The following CSNK1D variants were observed in gnomAD, a reference collection of about 807,000 sequenced individuals.
The protein encoded by CSNK1D is casein kinase 1 delta, also known as casein kinase I isoform delta.
Under a neutral mutation model 46.6 loss-of-function variants are expected in CSNK1D, and 16 were observed. The ratio of observed to expected loss-of-function variants is 0.34; its 90% CI spans 0.23 to 0.52. The LOEUF is 0.52. Ranked by LOEUF, CSNK1D falls within the 20% of genes least tolerant of loss-of-function variation. The pLI is 0.95. For synonymous variants in CSNK1D, 276 were observed against 228.2 expected (o/e 1.21, Z -1.89); for missense variants, 398 against 578.4 (o/e 0.69, Z 3.20).
intron 2 of CSNK1D, among the ~76,000 whole-genome samples, chr17:82,260,720 TACTG>T (rs901388795): frequency 8.6e-5 from 12 of 140,272 alleles, no homozygotes; most frequent in South Asian, 2.1e-4. Flanking sequence ...ACTGATGGTG[TACTG>T]ACTGACGGTG....
chr17:82,249,254 G>C lies in CSNK1D; in HGVS notation c.1057+177C>G. 3.8e-6 allele frequency: 3 copies of C among 787,546 alleles called. No homozygotes were observed. Among genetic ancestry groups the C allele is most frequent in the Non-Finnish European group, 6.0e-6 (3 of 504,190 alleles). The allele number at this position is 787,546 out of a possible 1,614,324, so 48.8% of individuals were successfully genotyped here. A position where few individuals can be genotyped will look rare whatever the true frequency, so the allele number is the denominator to read the frequency against. ...GCGGGAGGAATCACGCACACCAGCA[G>C]GTGCCGGCATTTCTAAAGGCGCCTG... is the stretch of plus-strand genomic sequence containing the variant. On this transcript the variant is annotated intron_variant, in intron 7 of 8. Coordinates refer to ENST00000314028, the MANE Select transcript of CSNK1D (RefSeq NM_001893.6). This position sits in a 1 kb window ranked among gnomAD's most constrained non-coding sequence, Gnocchi z 6.7.
At chr17:82,256,298 C>G (rs1014420840) in intron 2 of CSNK1D, among the ~76,000 whole-genome samples, 6 of 152,154 alleles carry the variant, frequency 3.9e-5, no homozygotes, top group Non-Finnish European at 7.3e-5. Context: ...ACTGCTTGAG[C>G]TCAGAAGTTC....
Position 82,251,599 on chromosome 17 carries a change from T to C in CSNK1D, c.737-72A>G. 6.7e-7 allele frequency: 1 copy of C among 1,490,832 alleles called. No individual in the cohort carries two copies. The highest frequency in any genetic ancestry group is 2.3e-5 in the East Asian group (1 of 43,952). 92.4% of individuals were successfully genotyped at this position (1,490,832 alleles called of 1,614,324 possible). ...CTCAAGGTGTCTCTGCCAACGTCGC[T>C]GTCTACCTCCTGCTGCTGCACACTC... On this transcript the variant is annotated intron_variant, in intron 5 of 8. Transcript: ENST00000314028. This position sits in a 1 kb window ranked among gnomAD's most constrained non-coding sequence, Gnocchi z 4.5.
chr17:82,257,614 A>C (rs1047838273), intron 2 of CSNK1D, among the ~76,000 whole-genome samples: 7 of 152,214 alleles, frequency 4.6e-5, no homozygotes, highest in African/African-American at 7.2e-5. Flanking sequence ...CCAGCCAGTG[A>C]CAGCTGTGCC....
At chr17:82,264,607 C>T (rs959230851) in intron 2 of CSNK1D, among the ~76,000 whole-genome samples, 1 of 152,036 alleles carries the variant, frequency 6.6e-6, no homozygotes, top group East Asian at 1.9e-4. Context: ...TCGGAGAAAA[C>T]GAGCCCAGAG....
At chr17:82,253,783 G>A (rs547047205) in intron 3 of CSNK1D, 12 of 301,706 alleles carry the variant, frequency 4.0e-5, no homozygotes, top group African/African-American at 1.7e-4. Context: ...CCGGAGCCTC[G>A]AGAAGCCAGT....
Position 82,244,557 on chromosome 17 carries a change from A to G in CSNK1D, c.*224T>C. ...TGCTTTTCTTCCCAGCCCCGTTACAACCGAGTTCACGTGGGGGGCCGCAGT... is the reference window on the plus strand; with the variant it reads ...TGCTTTTCTTCCCAGCCCCGTTACAGCCGAGTTCACGTGGGGGGCCGCAGT... On this transcript the variant is annotated 3_prime_UTR_variant, in exon 9 of 9. Transcript: ENST00000314028. The G allele has an allele frequency of 6.1e-6, 9 of 1,479,364 alleles. No homozygotes were observed. The highest frequency in any genetic ancestry group is 7.2e-6 in the Non-Finnish European group (8 of 1,115,708). 91.6% of individuals were successfully genotyped at this position (1,479,364 alleles called of 1,614,324 possible). A position where few individuals can be genotyped will look rare whatever the true frequency, so the allele number is the denominator to read the frequency against.
intron 8 of CSNK1D, chr17:82,247,463 G>A (rs2050879630): frequency 1.0e-6 from 1 of 985,524 alleles, no homozygotes; most frequent in Non-Finnish European, 1.2e-6. Context: ...AAAGCACTCA[G>A]GCCCCTTCCC....
intron 8 of CSNK1D, chr17:82,246,251 C>G (rs1599575548): frequency 5.4e-6 from 8 of 1,468,854 alleles, no homozygotes; most frequent in East Asian, 2.6e-5. Flanking sequence ...TCTGGAATCA[C>G]TTGCTCTTAA....
Position 82,251,827 on chromosome 17 carries a change from G to GAAAAA in CSNK1D, c.737-305_737-301dup, listed in dbSNP as rs112553966. On this transcript the variant is annotated intron_variant, in intron 5 of 8. Transcript: ENST00000314028. The surrounding 1 kb of genome is among the most constrained non-coding windows in gnomAD (Gnocchi z 4.5). Reference sequence around the variant, plus strand: ...AACACAGTGAAACCCCATCTCTACTGAAAAAAAAAAAAAAAAAGTTCTAGA... The same window carrying GAAAAA: ...AACACAGTGAAACCCCATCTCTACTGAAAAAAAAAAAAAAAAAAAAAAGTTCTAGA... 2.2e-5 allele frequency: 6 copies of GAAAAA among 267,556 alleles called. No homozygotes were observed. The highest frequency in any genetic ancestry group is 9.7e-5 in the East Asian group (1 of 10,316). 16.6% of individuals were successfully genotyped at this position (267,556 alleles called of 1,614,324 possible).
At position 82,273,253 on chromosome 17, in the gene CSNK1D, G is replaced by A; in HGVS notation, c.76+53C>T. On this transcript the variant is annotated intron_variant, in intron 1 of 8. Transcript: ENST00000314028. The surrounding 1 kb of genome is among the most constrained non-coding windows in gnomAD (Gnocchi z 5.1). ...CCTTCCGCGATCGCGCTTGGTCTTG[G>A]CAGCCGCAGGGCCCGGGTCTTCGGG... The A allele has an allele frequency of 1.9e-6, 3 of 1,551,828 alleles. No individual in the cohort carries two copies. The highest frequency in any genetic ancestry group is 2.3e-5 in the South Asian group (2 of 87,536).
rs774858511 is a variant in CSNK1D at position 82,252,595 on chromosome 17, C to T, written c.575G>A (p.Arg192Gln). Reference sequence around the variant, plus strand: ...GCCCAGAGACTCCAAGTCATCTCTTCGGGATTGTTCTGAAAAGAAAAGGGA... The same window carrying T: ...GCCCAGAGACTCCAAGTCATCTCTTTGGGATTGTTCTGAAAAGAAAAGGGA... The part of the protein sequence containing the change: ...INTHLGIEQS[R>Q]RDDLESLGYV... The change falls in exon 5 of 9, where the codon CGA becomes CAA. Residue 192 changes from arginine (R) to glutamine (Q), a missense_variant. Transcript: ENST00000314028. This position sits in a 1 kb window ranked among gnomAD's most constrained non-coding sequence, Gnocchi z 4.6. 5.0e-6 allele frequency: 8 copies of T among 1,613,760 alleles called. No homozygotes were observed. Among genetic ancestry groups the T allele is most frequent in the South Asian group, 2.2e-5 (2 of 91,080 alleles).
downstream of CSNK1D, chr17:82,240,123 G>A: frequency 8.3e-7 from 1 of 1,198,798 alleles, no homozygotes; most frequent in Non-Finnish European, 1.0e-6. Flanking sequence ...ATCTGCCCCT[G>A]GCCTTGCGCC....
intron 2 of CSNK1D, among the ~76,000 whole-genome samples, chr17:82,258,935 T>C (rs1317000232): frequency 2.0e-5 from 3 of 152,216 alleles, no homozygotes; most frequent in South Asian, 4.1e-4. Context: ...GCAGGGCAAA[T>C]GGCCCTCTTC....
intron 1 of CSNK1D, among the ~76,000 whole-genome samples, chr17:82,270,794 C>T (rs1333855475): frequency 1.3e-5 from 2 of 152,220 alleles, no homozygotes; most frequent in African/African-American, 4.8e-5. Context: ...AGTAACTGGA[C>T]GTGTACCCTG....
chr17:82,247,441 T>G (rs1340263016), intron 8 of CSNK1D: 1 of 985,290 alleles, frequency 1.0e-6, no homozygotes, highest in African/African-American at 1.7e-5. Flanking sequence ...TTACTTTCTT[T>G]AAAAGAAACA....
At position 82,250,168 on chromosome 17, in the gene CSNK1D, C is replaced by T. The variant is rs1228486442; in HGVS notation, c.886-566G>A. The T allele has an allele frequency of 3.1e-6, 4 of 1,289,972 alleles. No individual in the cohort carries two copies. Among genetic ancestry groups the T allele is most frequent in the South Asian group, 1.2e-5 (1 of 81,034 alleles). The allele number at this position is 1,289,972 out of a possible 1,614,324, so 79.9% of individuals were successfully genotyped here. A position where few individuals can be genotyped will look rare whatever the true frequency, so the allele number is the denominator to read the frequency against. On this transcript the variant is annotated intron_variant, in intron 6 of 8. Transcript: ENST00000314028. This position sits in a 1 kb window ranked among gnomAD's most constrained non-coding sequence, Gnocchi z 4.6. The stretch of plus-strand genomic sequence containing the variant: ...GGGGTGGGGAGGTCAGATTTTAAGC[C>T]GAGACAGCAACCTATGAAAAAGCAG...
intron 2 of CSNK1D, among the ~76,000 whole-genome samples, chr17:82,264,992 G>C (rs756482150): frequency 4.0e-5 from 6 of 151,664 alleles, no homozygotes; most frequent in Non-Finnish European, 8.8e-5. Context: ...GTAGAGACGG[G>C]GTTTCACTGT....
downstream of CSNK1D, among the ~76,000 whole-genome samples, chr17:82,240,757 G>C (rs2050731420): frequency 1.3e-5 from 2 of 152,226 alleles, no homozygotes; most frequent in Admixed American, 6.5e-5. Flanking sequence ...GAGTGGTCCA[G>C]ATGTGGGAAG....
Sources: allele counts gnomAD v4.1 joint callset (sites outside exome capture counted in the v4.1 genomes callset), GRCh38; gene constraint gnomAD v4.1.1; non-coding constraint Gnocchi (gnomAD v3.1); transcripts MANE v1.5; gene names NCBI Gene and HGNC (gene_info 2026-07-23, HGNC 2026-07-21).